The following FAM117B variants were observed in gnomAD, a reference collection of about 807,000 sequenced individuals.
FAM117B encodes protein FAM117B.
A neutral mutation model predicts 52.8 loss-of-function variants in FAM117B; 22 were observed. The observed-to-expected ratio is 0.42, with a 90% CI of 0.30 to 0.59. The LOEUF is 0.59. FAM117B is among the 20% of genes least tolerant of loss of function. The probability of loss-of-function intolerance (pLI) is 0.22; values close to 1 mark genes in which losing one functional copy is unlikely to be tolerated. For synonymous variants in FAM117B, 309 were observed against 324.1 expected (o/e 0.95, Z 0.50); for missense variants, 678 against 802.6 (o/e 0.84, Z 1.88).
intron 1 of FAM117B, among the ~76,000 whole-genome samples, chr2:202,676,288 CTG>C (rs1265502729): frequency 6.6e-6 from 1 of 151,944 alleles, no homozygotes; most frequent in Non-Finnish European, 1.5e-5. Flanking sequence ...GGTTGTATCT[CTG>C]TGGTAGACCC....
In FAM117B at chr2:202,646,254, G is replaced by A. The variant is rs79691228; in HGVS notation, c.601+10466G>A. On this transcript the variant is annotated intron_variant, in intron 1 of 7. Coordinates refer to ENST00000392238, the MANE Select transcript of FAM117B (RefSeq NM_173511.4). Reference sequence around the variant, plus strand: ...TTGAACTCCTGACCTCAAGTGATCCGCCTGTCTCCACCAGCCAGAATGTTG... The same window carrying A: ...TTGAACTCCTGACCTCAAGTGATCCACCTGTCTCCACCAGCCAGAATGTTG... 8.1e-4 allele frequency among the ~76,000 whole-genome samples: 124 copies of A among 152,268 alleles called. No individual in the cohort carries two copies. The East Asian group carries it at 0.023, about 28-fold the overall frequency.
chr2:202,746,966 A>AC (rs1691644675), intron 4 of FAM117B, among the ~76,000 whole-genome samples: 2 of 151,320 alleles, frequency 1.3e-5, no homozygotes, highest in African/African-American at 4.9e-5. Context: ...AACAAAACAA[A>AC]AAAAAACACA....
rs138378546 is a variant in FAM117B at position 202,663,773 on chromosome 2, G to A, written c.601+27985G>A. Among the ~76,000 whole-genome samples the A allele has an allele frequency of 8.8e-3, 1,339 of 152,088 alleles. 21 individuals carry two copies. Among genetic ancestry groups the A allele is most frequent in the African/African-American group, 0.03 (1,237 of 41,468 alleles). On this transcript the variant is annotated intron_variant, in intron 1 of 7. Coordinates refer to ENST00000392238, the MANE Select transcript of FAM117B (RefSeq NM_173511.4). ...TAAGTTTTGTATTTTTAGTGGAGACGGGGTTTCACTATGTTGGCCAGGCTG... is the reference window on the plus strand; with the variant it reads ...TAAGTTTTGTATTTTTAGTGGAGACAGGGTTTCACTATGTTGGCCAGGCTG...
intron 4 of FAM117B, 43 bp downstream of exon 4, chr2:202,726,406 G>A: frequency 2.8e-6 from 4 of 1,417,358 alleles, no homozygotes; most frequent in African/African-American, 1.4e-5. Flanking sequence ...GGAATTTGTT[G>A]TTTTTCTGGT....
chr2:202,651,665 C>A (rs572987418), intron 1 of FAM117B, among the ~76,000 whole-genome samples: 1 of 152,096 alleles, frequency 6.6e-6, no homozygotes, highest in South Asian at 2.1e-4. Context: ...TGAGCCACCA[C>A]GCCTGGCCAA....
chr2:202,708,099 C>G (rs1473489668), intron 2 of FAM117B, among the ~76,000 whole-genome samples: 3 of 152,084 alleles, frequency 2.0e-5, no homozygotes, highest in Non-Finnish European at 2.9e-5. Context: ...CAGAAGAGAT[C>G]TACTCTCAAC....
intron 1 of FAM117B, 21 bp downstream of exon 1, chr2:202,635,809 A>T: frequency 3.5e-6 from 5 of 1,414,700 alleles, no homozygotes; most frequent in Non-Finnish European, 4.6e-6. Flanking sequence ...GGGGTCGCGC[A>T]GCAAGGGGGA....
At chr2:202,659,914 C>T (rs373296825) in intron 1 of FAM117B, among the ~76,000 whole-genome samples, 4 of 152,064 alleles carry the variant, frequency 2.6e-5, no homozygotes, top group African/African-American at 7.2e-5. Context: ...CCACTGCGCC[C>T]GGCCACCACC....
intron 1 of FAM117B, among the ~76,000 whole-genome samples, chr2:202,654,047 C>T (rs911845669): frequency 2.3e-5 from 3 of 129,492 alleles, no homozygotes; most frequent in African/African-American, 6.0e-5. Flanking sequence ...GGAGGGGGTG[C>T]GGGAAGAGAG....
intron 4 of FAM117B, among the ~76,000 whole-genome samples, chr2:202,728,630 T>C (rs1691293848): frequency 6.6e-6 from 1 of 152,204 alleles, no homozygotes; most frequent in Admixed American, 6.5e-5. Flanking sequence ...TCCCAGTCCA[T>C]ATTTTTACTC....
chr2:202,640,292 CAA>C lies in FAM117B; in HGVS notation c.601+4507_601+4508del, dbSNP rs200351349. ...GTCACAACAACCACCACCACCACCA[CAA>C]AATATATATATATATATATATATAT... On this transcript the variant is annotated intron_variant, in intron 1 of 7. Coordinates refer to ENST00000392238, the MANE Select transcript of FAM117B (RefSeq NM_173511.4). 7.8e-3 allele frequency among the ~76,000 whole-genome samples: 397 copies of C among 50,690 alleles called. 43 individuals carry two copies. The highest frequency in any genetic ancestry group is 9.6e-3 in the Non-Finnish European group (240 of 24,950). 33.3% of individuals were successfully genotyped at this position (50,690 alleles called of 152,430 possible).
chr2:202,735,223 CA>C (rs1460915275), intron 4 of FAM117B, among the ~76,000 whole-genome samples: 1 of 151,980 alleles, frequency 6.6e-6, no homozygotes, highest in African/African-American at 2.4e-5. Flanking sequence ...ATTCTTTTCC[CA>C]AGATAGGTTT....
At chr2:202,652,407 T>C (rs1301946905) in intron 1 of FAM117B, among the ~76,000 whole-genome samples, 1 of 152,190 alleles carries the variant, frequency 6.6e-6, no homozygotes, top group Non-Finnish European at 1.5e-5. Context: ...CCTGTTTATG[T>C]TATTTTAGAA....
chr2:202,640,295 AATATATATATATATATATATATATATAT>A (rs539187347), intron 1 of FAM117B, among the ~76,000 whole-genome samples: 11 of 51,304 alleles, frequency 2.1e-4, no homozygotes, highest in Admixed American at 1.3e-3. Flanking sequence ...ACCACCACAA[AATATATATATATATATATATATATATAT>A]ATATATATAT....
At chr2:202,747,607 G>A (rs1429995318) in intron 4 of FAM117B, among the ~76,000 whole-genome samples, 2 of 151,850 alleles carry the variant, frequency 1.3e-5, no homozygotes, top group African/African-American at 2.4e-5. Flanking sequence ...TACTAAAGTC[G>A]CTGGATACAA....
At chr2:202,695,000 C>G (rs765234098) in intron 1 of FAM117B, among the ~76,000 whole-genome samples, 1 of 151,982 alleles carries the variant, frequency 6.6e-6, no homozygotes, top group African/African-American at 2.4e-5. Flanking sequence ...TTCATTATGT[C>G]CTCCCATTTC....
chr2:202,679,402 C>G (rs762538640), intron 1 of FAM117B, among the ~76,000 whole-genome samples: 3 of 152,182 alleles, frequency 2.0e-5, no homozygotes, highest in Non-Finnish European at 4.4e-5. Flanking sequence ...GAAGAGGGAA[C>G]TGTGTAGAAA....
chr2:202,694,507 TATGTGTCTTTCCTCACATTACTTATTA>T (rs1253885397), intron 1 of FAM117B, among the ~76,000 whole-genome samples: 9 of 152,038 alleles, frequency 5.9e-5, no homozygotes, highest in Admixed American at 5.2e-4. Flanking sequence ...AACTTTTTTA[TATGTGTCTTTCCTCACATTACTTATTA>T]ATGTGAGGAA....
intron 3 of FAM117B, among the ~76,000 whole-genome samples, chr2:202,725,610 C>T (rs1051668552): frequency 6.6e-6 from 1 of 152,170 alleles, no homozygotes; most frequent in Non-Finnish European, 1.5e-5. Context: ...TGAGCCACCG[C>T]ACCTGGCCAC....
Sources: allele counts gnomAD v4.1 joint callset (sites outside exome capture counted in the v4.1 genomes callset), GRCh38; gene constraint gnomAD v4.1.1; transcripts MANE v1.5; gene names NCBI Gene and HGNC (gene_info 2026-07-23, HGNC 2026-07-21).